SAR1A: variants seen among roughly 807,000 people sequenced by gnomAD.
SAR1A encodes the protein secretion associated Ras related GTPase 1A.
In SAR1A, 6 loss-of-function variants were observed where a neutral mutation model predicts 22.6. The ratio of observed to expected loss-of-function variants is 0.27; its 90% CI spans 0.15 to 0.52. SAR1A has a LOEUF of 0.52. SAR1A is among the 20% of genes least tolerant of loss of function. The pLI, the probability that SAR1A is intolerant of heterozygous loss-of-function variation, is 0.96. For missense variants in SAR1A, 145 were observed against 245.1 expected (o/e 0.59, Z 2.73); for synonymous variants, 70 against 82.2 (o/e 0.85, Z 0.80).
At chr10:70,162,250 G>A (rs1052400208) in intron 1 of SAR1A, among the ~76,000 whole-genome samples, 3 of 151,368 alleles carry the variant, frequency 2.0e-5, no homozygotes, top group Admixed American at 6.6e-5. Context: ...TGAGACAGAA[G>A]AATTACTTGA....
chr10:70,154,803 A>G (rs969530529), intron 5 of SAR1A, among the ~76,000 whole-genome samples: 12 of 151,780 alleles, frequency 7.9e-5, no homozygotes, highest in Admixed American at 1.3e-4. Context: ...AATATAGTGG[A>G]TAAGTGTCAC....
chr10:70,160,742 G>A (rs762545944), intron 4 of SAR1A, among the ~76,000 whole-genome samples: 5 of 152,164 alleles, frequency 3.3e-5, no homozygotes, highest in Admixed American at 6.5e-5. Context: ...TTCATGAATA[G>A]TTATACATTA....
chr10:70,159,350 G>A (rs1839435375), intron 4 of SAR1A, among the ~76,000 whole-genome samples: 3 of 151,992 alleles, frequency 2.0e-5, no homozygotes, highest in Non-Finnish European at 4.4e-5. Context: ...AAAATTATTA[G>A]GCTTAACAAC....
intron 5 of SAR1A, among the ~76,000 whole-genome samples, chr10:70,155,562 T>TAAGACAC (rs148248029): frequency 0.046 from 7,052 of 152,150 alleles, 274 homozygotes; most frequent in African/African-American, 0.11. Context: ...TGCAAAGAAA[T>TAAGACAC]AAGACACAGT....
At chr10:70,156,190 T>G (rs561094336) in intron 5 of SAR1A, among the ~76,000 whole-genome samples, 32 of 152,076 alleles carry the variant, frequency 2.1e-4, no homozygotes, top group African/African-American at 6.0e-4. Flanking sequence ...AGAAATGCAT[T>G]TGAGAGTCAC....
chr10:70,161,911 G>C lies in SAR1A; in HGVS notation c.5C>G (p.Ser2Cys). The C allele has an allele frequency of 6.2e-7, 1 of 1,611,022 alleles. No individual in the cohort carries two copies. Among genetic ancestry groups the C allele is most frequent in the South Asian group, 1.1e-5 (1 of 90,942 alleles). M[S>C]FIFEWIYNGF... ...ATTGTAGATCCACTCAAAGATGAAAGACATTATTAATGCTTACTACCTGTA... is the reference window on the plus strand; with the variant it reads ...ATTGTAGATCCACTCAAAGATGAAACACATTATTAATGCTTACTACCTGTA... Residue 2 changes from serine (S) to cysteine (C), a missense_variant, in exon 2 of 7, where the codon TCT (serine) becomes TGT (cysteine). Coordinates refer to ENST00000373241, the MANE Select transcript of SAR1A (RefSeq NM_020150.5).
At chr10:70,159,130 C>T (rs1210585453) in intron 4 of SAR1A, among the ~76,000 whole-genome samples, 1 of 152,112 alleles carries the variant, frequency 6.6e-6, no homozygotes, top group Admixed American at 6.5e-5. Flanking sequence ...GAAAAAAATA[C>T]AAGCTCCTTA....
Position 70,163,233 on chromosome 10 carries a change from G to A in SAR1A, c.-16-1302C>T, listed in dbSNP as rs149914471. ...AAGAAAATGAAACAGCCTTATTGCT[G>A]ATAAAAAATAATAATAAAATAAAAA... is the stretch of plus-strand genomic sequence containing the variant. On this transcript the variant is annotated intron_variant, in intron 1 of 6. Transcript: ENST00000373241. Among the ~76,000 whole-genome samples the A allele has an allele frequency of 1.4e-4, 21 of 152,266 alleles. No homozygotes were observed. The East Asian group carries it at 4.0e-3, about 29-fold the overall frequency.
chr10:70,164,170 G>T, intron 1 of SAR1A: 5 of 649,298 alleles, frequency 7.7e-6, no homozygotes, highest in Non-Finnish European at 1.1e-5. Context: ...GCACAAAACT[G>T]TTTATTTGCC....
intron 1 of SAR1A, among the ~76,000 whole-genome samples, chr10:70,169,863 C>T (rs923243759): frequency 6.6e-6 from 1 of 152,088 alleles, no homozygotes; most frequent in Non-Finnish European, 1.5e-5. Context: ...AGAGACCAGA[C>T]AGGGGAAAAG....
At chr10:70,161,535 G>T (rs1344009879) in intron 3 of SAR1A, 84 bp downstream of exon 3, 1 of 1,517,958 alleles carries the variant, frequency 6.6e-7, no homozygotes, top group Non-Finnish European at 8.9e-7. Flanking sequence ...GTTAATAAAA[G>T]AACTCCACCA....
chr10:70,163,950 T>G, intron 1 of SAR1A: 1 of 1,513,380 alleles, frequency 6.6e-7, no homozygotes, highest in East Asian at 2.3e-5. Context: ...TAGAGAAACA[T>G]TCTGTGTGTT....
chr10:70,165,038 G>A (rs1226341192), intron 1 of SAR1A, among the ~76,000 whole-genome samples: 2 of 151,980 alleles, frequency 1.3e-5, no homozygotes, highest in African/African-American at 4.8e-5. Context: ...GGCCGAGGCG[G>A]GCGGATCACG....
intron 4 of SAR1A, among the ~76,000 whole-genome samples, chr10:70,158,520 A>T (rs1450018281): frequency 6.6e-6 from 1 of 152,190 alleles, no homozygotes; most frequent in African/African-American, 2.4e-5. Context: ...ACATGAAACG[A>T]TAAAGGCTGG....
intron 1 of SAR1A, chr10:70,167,565 T>G (rs905565780): frequency 6.6e-6 from 1 of 150,730 alleles, no homozygotes; most frequent in Non-Finnish European, 1.5e-5. Context: ...ATCGCTCCAC[T>G]GCACTTCAGC....
intron 3 of SAR1A, 76 bp from the exon 4 acceptor site, chr10:70,161,145 T>C (rs1261235018): frequency 1.0e-6 from 1 of 1,003,148 alleles, no homozygotes; most frequent in Non-Finnish European, 1.5e-6. Context: ...TAAGCCAATA[T>C]CAATGCTTTC....
chr10:70,147,573 ATT>A lies in SAR1A; in HGVS notation c.*4901_*4902del, dbSNP rs1839268388. On this transcript the variant is annotated 3_prime_UTR_variant, in exon 7 of 7. Transcript: ENST00000373241. Reference sequence around the variant, plus strand: ...ACAATTTTTTGTGTCCAAAAATAGCATTCTTTAAATATTTTTTCCAACCATTT... The same window carrying A: ...ACAATTTTTTGTGTCCAAAAATAGCACTTTAAATATTTTTTCCAACCATTT... The A allele has an allele frequency of 6.6e-6, 1 of 152,206 alleles. No homozygotes were observed. The highest frequency in any genetic ancestry group is 1.5e-5 in the Non-Finnish European group (1 of 68,034). The allele number at this position is 152,206 out of a possible 1,614,324, so 9.4% of individuals were successfully genotyped here.
chr10:70,149,919 A>C lies in SAR1A; in HGVS notation c.*2557T>G, dbSNP rs1040152958. ...TAGAACTAGTCCTTGCTAGCATGTT[A>C]ATATAGATTTTGCTCAAACATCTGC... On this transcript the variant is annotated 3_prime_UTR_variant, in exon 7 of 7. Transcript: ENST00000373241. 1.3e-5 allele frequency: 2 copies of C among 152,160 alleles called. No homozygotes were observed. Among genetic ancestry groups the C allele is most frequent in the Non-Finnish European group, 2.9e-5 (2 of 68,024 alleles). 9.4% of individuals were successfully genotyped at this position (152,160 alleles called of 1,614,324 possible).
rs1345988067 is a variant in SAR1A at position 70,161,150 on chromosome 10, G to A, written c.179-81C>T. Reference sequence around the variant, plus strand: ...ACTAGTACTATAAGCCAATATCAATGCTTTCATCTTGTAAAGAAAAAGATA... The same window carrying A: ...ACTAGTACTATAAGCCAATATCAATACTTTCATCTTGTAAAGAAAAAGATA... On this transcript the variant is annotated intron_variant, in intron 3 of 6. Transcript: ENST00000373241. 5.1e-6 allele frequency: 5 copies of A among 979,722 alleles called. No individual in the cohort carries two copies. In the African/African-American group the frequency reaches 8.3e-5, roughly 16 times the overall value. 60.7% of individuals were successfully genotyped at this position (979,722 alleles called of 1,614,324 possible). A position where few individuals can be genotyped will look rare whatever the true frequency, so the allele number is the denominator to read the frequency against.
Sources: allele counts gnomAD v4.1 joint callset (sites outside exome capture counted in the v4.1 genomes callset), GRCh38; gene constraint gnomAD v4.1.1; transcripts MANE v1.5; gene names NCBI Gene and HGNC (gene_info 2026-07-23, HGNC 2026-07-21).